The following MPND variants were observed in gnomAD, a reference collection of about 807,000 sequenced individuals.
The protein encoded by MPND is MPN domain-containing protein.
In MPND, 56 loss-of-function variants were observed where a neutral mutation model predicts 59.2. The observed-to-expected ratio is 0.95, with a 90% CI of 0.76 to 1.18. The LOEUF (loss-of-function observed/expected upper bound fraction) is 1.18. Among genes scored for constraint, MPND ranks in the 50% most tolerant of loss-of-function variants. MPND has a pLI of 0.00. For synonymous variants in MPND, 323 were observed against 291.9 expected (o/e 1.11, Z -1.09); for missense variants, 671 against 676.0 (o/e 0.99, Z 0.08).
chr19:4,359,799 C>G, intron 12 of MPND, 117 bp from the exon 13 acceptor site: 1 of 767,386 alleles, frequency 1.3e-6, no homozygotes, highest in Non-Finnish European at 2.1e-6. Flanking sequence ...GACCCCAGCC[C>G]TGTGCCTCGG....
At chr19:4,357,672 C>T in intron 10 of MPND, 87 bp downstream of exon 10, 1 of 1,348,172 alleles carries the variant, frequency 7.4e-7, no homozygotes, top group African/African-American at 1.5e-5. Context: ...TGGTTCCAGG[C>T]TCCACTGGAG....
At position 4,354,284 on chromosome 19, in the gene MPND, G is replaced by A. The variant is rs771796508; in HGVS notation, c.750-40G>A. 5 of 1,534,650 alleles carry A rather than the reference G, an allele frequency of 3.3e-6. No homozygotes were observed. The South Asian group carries it at 6.0e-5, about 18-fold the overall frequency. On this transcript the variant is annotated intron_variant, in intron 5 of 12. Coordinates refer to ENST00000599840, the MANE Select transcript of MPND (RefSeq NM_001300862.2). ...CAGTGTGGGGGCGAGGGAAGAGCCT[G>A]GGGATTCCTGAGACTGTGCGACCCT...
Position 4,359,158 on chromosome 19 carries a change from T to C in MPND, c.1327-5T>C, listed in dbSNP as rs1344713782. 3 of 1,610,742 alleles carry C rather than the reference T, an allele frequency of 1.9e-6. No homozygotes were observed. Among genetic ancestry groups the C allele is most frequent in the Non-Finnish European group, 2.5e-6 (3 of 1,177,400 alleles). Reference sequence around the variant, plus strand: ...CCTGGGAGTCCATGCTCCTCTGTCCTGTAGATGCTGCTGGTGGAGTTCTAC... The same window carrying C: ...CCTGGGAGTCCATGCTCCTCTGTCCCGTAGATGCTGCTGGTGGAGTTCTAC... On this transcript the variant is annotated splice_polypyrimidine_tract_variant and splice_region_variant and intron_variant, in intron 11 of 12. Coordinates refer to ENST00000599840, the MANE Select transcript of MPND (RefSeq NM_001300862.2).
At position 4,351,632 on chromosome 19, in the gene MPND, A is replaced by G. The variant is rs1302292043; in HGVS notation, c.532-1265A>G. Among the ~76,000 whole-genome samples the G allele has an allele frequency of 1.5e-3, 218 of 145,322 alleles. 1 individual carries two copies. Among genetic ancestry groups the G allele is most frequent in the African/African-American group, 5.4e-3 (213 of 39,180 alleles). The stretch of plus-strand genomic sequence containing the variant: ...AATCCCAGCACTTTGGGTGGCCGAG[A>G]TGGGCAAATCACAAGGTCAGACGAT... On this transcript the variant is annotated intron_variant, in intron 3 of 12. Transcript: ENST00000599840.
chr19:4,357,257 A>AC lies in MPND; in HGVS notation c.1003dup (p.Gln335ProfsTer83). On this transcript the variant is annotated frameshift_variant, in exon 9 of 13. Coordinates refer to ENST00000599840, the MANE Select transcript of MPND (RefSeq NM_001300862.2). LOFTEE classifies it high-confidence loss of function. ...GAGCTGCGCCTCTGTCCCCAGATCTACCAGAGCCTGTTCCTGCGGGGCCTG... is the reference window on the plus strand; with the variant it reads ...GAGCTGCGCCTCTGTCCCCAGATCTACCCAGAGCCTGTTCCTGCGGGGCCTG... 6.2e-7 allele frequency: 1 copy of AC among 1,600,814 alleles called. No homozygotes were observed. The highest frequency in any genetic ancestry group is 1.1e-5 in the South Asian group (1 of 89,380).
chr19:4,347,773 C>A, intron 3 of MPND: 1 of 535,144 alleles, frequency 1.9e-6, no homozygotes. Context: ...GACGCAGTGG[C>A]AAAAAAACCC....
At chr19:4,345,331 A>G (rs1186263861) in intron 2 of MPND, among the ~76,000 whole-genome samples, 1 of 152,060 alleles carries the variant, frequency 6.6e-6, no homozygotes, top group Non-Finnish European at 1.5e-5. Context: ...ACAGGCGTGA[A>G]CCACTGCACC....
In MPND at chr19:4,343,985, C is replaced by T. The variant is rs1340784131; in HGVS notation, c.285C>T (p.Ile95=). ...AGCCTGGCGCCGGGGTGCTGTCCAT[C>T]TACTACCTGGTGAGCACCCCGCCTC... is the stretch of plus-strand genomic sequence containing the variant. ...LLEPGAGVLS[I]YYLGKKFLGD... The change falls in exon 2 of 13, where the codon ATC becomes ATT. Residue 95 remains isoleucine (I), a synonymous_variant. Transcript: ENST00000599840. The T allele has an allele frequency of 5.1e-6, 7 of 1,366,406 alleles. No individual in the cohort carries two copies. The highest frequency in any genetic ancestry group is 4.5e-5 in the African/African-American group (3 of 66,308). The allele number at this position is 1,366,406 out of a possible 1,614,324, so 84.6% of individuals were successfully genotyped here.
intron 3 of MPND, chr19:4,348,904 C>A: frequency 5.3e-6 from 1 of 190,410 alleles, no homozygotes; most frequent in South Asian, 1.1e-4. Flanking sequence ...ATCTACCTGC[C>A]TCAGCCTCCC....
At chr19:4,345,203 C>G (rs537155700) in intron 2 of MPND, among the ~76,000 whole-genome samples, 1 of 151,616 alleles carries the variant, frequency 6.6e-6, no homozygotes, top group African/African-American at 2.4e-5. Flanking sequence ...CCCGCCACCA[C>G]GCCTGGCTAA....
Position 4,359,996 on chromosome 19 carries a change from G to A in MPND, c.1500G>A (p.Gly500=), listed in dbSNP as rs1203178296. 1.3e-6 allele frequency: 2 copies of A among 1,561,886 alleles called. No individual in the cohort carries two copies. The highest frequency in any genetic ancestry group is 4.8e-5 in the East Asian group (2 of 41,462). The change falls in exon 13 of 13, where the codon GGG becomes GGA. Residue 500 remains glycine, a synonymous_variant. Transcript: ENST00000599840. The part of the protein sequence containing the change: ...LEQVCGVLKQ[G]S ...AGGTGTGCGGCGTCCTCAAGCAGGG[G>A]AGCTGAGCCTTCCAGGGCAGGGTGG... is the stretch of plus-strand genomic sequence containing the variant.
intron 3 of MPND, among the ~76,000 whole-genome samples, chr19:4,349,563 C>T (rs550002903): frequency 9.2e-4 from 138 of 150,326 alleles, no homozygotes; most frequent in Non-Finnish European, 1.2e-3. Context: ...CAGGCTGGAG[C>T]GCAATGGCGT....
intron 2 of MPND, 131 bp downstream of exon 2, chr19:4,344,125 G>A (rs1460506241): frequency 1.6e-6 from 1 of 615,444 alleles, no homozygotes; most frequent in East Asian, 4.0e-5. Flanking sequence ...CCCTTGCTGA[G>A]AGACGAGCCC....
At chr19:4,357,668 C>T (rs1269247886) in intron 10 of MPND, 83 bp downstream of exon 10, 1 of 1,374,604 alleles carries the variant, frequency 7.3e-7, no homozygotes, top group African/African-American at 1.5e-5. Flanking sequence ...CCCCTGGTTC[C>T]AGGCTCCACT....
intron 1 of MPND, 48 bp downstream of exon 1, chr19:4,343,648 G>A: frequency 8.3e-7 from 1 of 1,205,140 alleles, no homozygotes; most frequent in Non-Finnish European, 1.0e-6. Flanking sequence ...GGGCTGCAGG[G>A]GCGCGGGGCT....
At chr19:4,358,210 G>A (rs1972488955) in intron 11 of MPND, 38 bp downstream of exon 11, 3 of 1,515,106 alleles carry the variant, frequency 2.0e-6, no homozygotes, top group South Asian at 1.2e-5. Flanking sequence ...GGGGCTGGCA[G>A]TGCGCAGCTG....
chr19:4,355,141 G>A lies in MPND; in HGVS notation c.964G>A (p.Asp322Asn), dbSNP rs768235781. The change falls in exon 8 of 13, where the codon GAC becomes AAC. Residue 322 changes from aspartate (D) to asparagine (N), a missense_variant. Physicochemically the swap from Asp to Asn is conservative, Grantham distance 23 (BLOSUM62 1). Transcript: ENST00000599840. ...RAFPCRSRLG[D>N]AETAAAIEEE... ...CTTCCCTTGTCGGAGCCGGCTCGGG[G>A]ACGCAGAGACTGCAGCTGCCATCGA... 1 of 1,613,568 alleles carries A rather than the reference G, an allele frequency of 6.2e-7. No homozygotes were observed. Among genetic ancestry groups the A allele is most frequent in the Non-Finnish European group, 8.5e-7 (1 of 1,180,012 alleles).
Position 4,355,336 on chromosome 19 carries a change from C to CTTTTTT in MPND, c.996+175_996+180dup, listed in dbSNP as rs3048292. On this transcript the variant is annotated intron_variant, in intron 8 of 12. Transcript: ENST00000599840. ...CCATGGTGAAGGGTGAAGAACACTG[C>CTTTTTT]TTTTTTTTTTTTTTTTTGAGACGGA... 5.5e-3 allele frequency among the ~76,000 whole-genome samples: 682 copies of CTTTTTT among 124,424 alleles called. 45 individuals are homozygous for CTTTTTT. The highest frequency in any genetic ancestry group is 0.02 in the African/African-American group (635 of 32,078). The allele number at this position is 124,424 out of a possible 152,430, so 81.6% of individuals were successfully genotyped here.
At chr19:4,347,778 A>T in intron 3 of MPND, 1 of 526,764 alleles carries the variant, frequency 1.9e-6, no homozygotes, top group Non-Finnish European at 3.4e-6. Context: ...AGTGGCAAAA[A>T]AACCCTTGAC....
Sources: gnomAD v4.1 joint callset for allele counts (sites outside exome capture counted in the v4.1 genomes callset) on GRCh38, gnomAD v4.1.1 for gene constraint, MANE v1.5 for transcripts, NCBI Gene and HGNC (gene_info 2026-07-23, HGNC 2026-07-21) for gene names.